NEK8: variants seen among roughly 807,000 people sequenced by gnomAD.
The protein encoded by NEK8 is NIMA related kinase 8, also known as serine/threonine-protein kinase Nek8.
Under a neutral mutation model 77.2 loss-of-function variants are expected in NEK8, and 51 were observed. The observed-to-expected ratio is 0.66, with a 90% CI of 0.53 to 0.83. The LOEUF (loss-of-function observed/expected upper bound fraction) is 0.83. NEK8 is among the 40% of genes least tolerant of loss of function. The pLI, the probability that NEK8 is intolerant of heterozygous loss-of-function variation, is 0.00. For synonymous variants in NEK8, 365 were observed against 363.2 expected, an observed-to-expected ratio of 1.00 and a Z score of -0.06; for missense variants, 787 against 909.2, an observed-to-expected ratio of 0.87 and a Z score of 1.73.
rs1180619050 is a variant in NEK8 at position 28,737,002 on chromosome 17, T to G, written c.619-304T>G. 1.3e-5 allele frequency among the ~76,000 whole-genome samples: 2 copies of G among 152,208 alleles called. No individual in the cohort carries two copies. The highest frequency in any genetic ancestry group is 4.8e-5 in the African/African-American group (2 of 41,456). On this transcript the variant is annotated intron_variant, in intron 4 of 14. Transcript: ENST00000268766. The surrounding 1 kb of genome is among the most constrained non-coding windows in gnomAD (Gnocchi z 4.8). ...CTTTCTACATATGGCTAGCCAGTTT[T>G]CCCAGCACCATTTATTAAATAGGGA... is the stretch of plus-strand genomic sequence containing the variant.
At position 28,734,029 on chromosome 17, in the gene NEK8, A is replaced by T. The variant is rs764658381; in HGVS notation, c.94A>T (p.Ile32Phe). 3 of 1,614,238 alleles carry T rather than the reference A, an allele frequency of 1.9e-6. No homozygotes were observed. The highest frequency in any genetic ancestry group is 2.5e-6 in the Non-Finnish European group (3 of 1,180,038). Residue 32 changes from isoleucine (I) to phenylalanine (F), a missense_variant, in exon 2 of 15, where the codon ATC becomes TTC. Physicochemically the swap from Ile to Phe is conservative, Grantham distance 21. This residue lies in a region of NEK8 where 271 missense variants were observed against 365.1 expected (regional missense o/e 0.74). Coordinates refer to ENST00000268766, the MANE Select transcript of NEK8 (RefSeq NM_178170.3). The stretch of plus-strand genomic sequence containing the variant: ...AAAGGCTGACCAGAAGCTGGTGATC[A>T]TCAAGCAGATTCCAGTGGAACAGAT... ...LRKADQKLVIIKQIPVEQMTK... is the reference protein window; with the variant it reads ...LRKADQKLVIFKQIPVEQMTK...
intron 2 of NEK8, 93 bp downstream of exon 2, chr17:28,734,281 G>A: frequency 1.8e-6 from 2 of 1,142,428 alleles, no homozygotes; most frequent in Non-Finnish European, 2.7e-6. Context: ...CTTGGAATGG[G>A]CATGGCCAAG....
rs375613242 is a variant in NEK8, at chr17:28,738,256, G to C, written c.1222+11G>C. ...CTGCCTGCCTGACTGGTGAGTTGTCGGGCCTACCTTGTGGGACCTGCTCTG... is the reference window on the plus strand; with the variant it reads ...CTGCCTGCCTGACTGGTGAGTTGTCCGGCCTACCTTGTGGGACCTGCTCTG... On this transcript the variant is annotated intron_variant, in intron 8 of 14. Coordinates refer to ENST00000268766, the MANE Select transcript of NEK8 (RefSeq NM_178170.3). 7.4e-6 allele frequency: 12 copies of C among 1,613,942 alleles called. No homozygotes were observed. Among genetic ancestry groups the C allele is most frequent in the East Asian group, 2.2e-5 (1 of 44,892 alleles).
rs1597808790 is a variant in NEK8 at position 28,742,195 on chromosome 17, A to C, written c.*208A>C. 1 of 660,680 alleles carries C rather than the reference A, an allele frequency of 1.5e-6. No homozygotes were observed. Among genetic ancestry groups the C allele is most frequent in the Non-Finnish European group, 2.8e-6 (1 of 362,154 alleles). 40.9% of individuals were successfully genotyped at this position (660,680 alleles called of 1,614,324 possible). ...CTCCTACCACCTCTTTGCCCTTCCT[A>C]CCCCTTCCTCCCTTCAGTCAGTGTC... On this transcript the variant is annotated 3_prime_UTR_variant, in exon 15 of 15. Coordinates refer to ENST00000268766, the MANE Select transcript of NEK8 (RefSeq NM_178170.3).
chr17:28,734,877 A>C lies in NEK8; in HGVS notation c.359A>C (p.His120Pro), dbSNP rs1489672696. 6.2e-7 allele frequency: 1 copy of C among 1,613,712 alleles called. No individual in the cohort carries two copies. The highest frequency in any genetic ancestry group is 8.5e-7 in the Non-Finnish European group (1 of 1,179,936). Reference protein sequence around the residue: ...VQILLALHHVHTHLILHRDLK... With the variant: ...VQILLALHHVPTHLILHRDLK... ...ATCCTGCTTGCACTGCATCATGTGCACACCCACCTCATCCTGCACCGAGAC... is the reference window on the plus strand; with the variant it reads ...ATCCTGCTTGCACTGCATCATGTGCCCACCCACCTCATCCTGCACCGAGAC... The change falls in exon 3 of 15, where the codon CAC (histidine) becomes CCC (proline). Residue 120 changes from histidine to proline, a missense_variant. Transcript: ENST00000268766.
At position 28,741,755 on chromosome 17, in the gene NEK8, G is replaced by A. The variant is rs2034425400; in HGVS notation, c.2050+184G>A. On this transcript the variant is annotated intron_variant, in intron 14 of 14. Coordinates refer to ENST00000268766, the MANE Select transcript of NEK8 (RefSeq NM_178170.3). The surrounding 1 kb of genome is among the most constrained non-coding windows in gnomAD (Gnocchi z 4.5). ...GGGGTGGCCAAGGCTGGTGCTTCTT[G>A]GGCCTCATGGAAGGGCTGCCTCCAC... Among the ~76,000 whole-genome samples the A allele has an allele frequency of 6.6e-6, 1 of 152,254 alleles. No individual in the cohort carries two copies. Among genetic ancestry groups the A allele is most frequent in the South Asian group, 2.1e-4 (1 of 4,822 alleles).
chr17:28,729,847 G>C (rs1012344668), intron 1 of NEK8, among the ~76,000 whole-genome samples: 3 of 152,030 alleles, frequency 2.0e-5, no homozygotes, highest in African/African-American at 7.2e-5. Context: ...CGACAGGCCA[G>C]AAGTGAGATT....
At chr17:28,738,606 C>T (rs1395314741) in intron 8 of NEK8, 65 bp from the exon 9 acceptor site, 2 of 1,451,788 alleles carry the variant, frequency 1.4e-6, no homozygotes, top group Non-Finnish European at 1.9e-6. Flanking sequence ...CACTGGAGGA[C>T]CGGGCTATCT....
chr17:28,729,969 A>G (rs1314513105), intron 1 of NEK8, among the ~76,000 whole-genome samples: 1 of 152,258 alleles, frequency 6.6e-6, no homozygotes, highest in Admixed American at 6.5e-5. Flanking sequence ...CAGAGCATTC[A>G]AGAAACCGAG....
rs1047557678 is a variant in NEK8 at position 28,742,032 on chromosome 17, C to G, written c.*45C>G. 6.3e-7 allele frequency: 1 copy of G among 1,588,586 alleles called. No individual in the cohort carries two copies. Among genetic ancestry groups the G allele is most frequent in the African/African-American group, 1.3e-5 (1 of 74,444 alleles). ...GGACCACCCTGATATTGCTTCTCCT[C>G]TGAATGCTCTGAAAAGTGCAGGTGC... is the stretch of plus-strand genomic sequence containing the variant. On this transcript the variant is annotated 3_prime_UTR_variant, in exon 15 of 15. Coordinates refer to ENST00000268766, the MANE Select transcript of NEK8 (RefSeq NM_178170.3).
Position 28,740,993 on chromosome 17 carries a change from G to C in NEK8, c.1732+8G>C. 6.2e-7 allele frequency: 1 copy of C among 1,613,928 alleles called. No homozygotes were observed. The highest frequency in any genetic ancestry group is 8.5e-7 in the Non-Finnish European group (1 of 1,179,990). ...ACTCAGCTGCTGTGACTGGTGAGGA[G>C]GACTTGGGCTCTGGAGGTCAGAGGG... On this transcript the variant is annotated splice_region_variant and intron_variant, in intron 12 of 14. Transcript: ENST00000268766. The surrounding 1 kb of genome is among the most constrained non-coding windows in gnomAD (Gnocchi z 4.7).
At position 28,741,913 on chromosome 17, in the gene NEK8, G is replaced by A; in HGVS notation, c.2051-46G>A. On this transcript the variant is annotated intron_variant, in intron 14 of 14. Transcript: ENST00000268766. This position sits in a 1 kb window ranked among gnomAD's most constrained non-coding sequence, Gnocchi z 4.5. The stretch of plus-strand genomic sequence containing the variant: ...GGGAGGTGGGTGATGATTTCTGGAG[G>A]CACTGCCCTCAGAAGCTGCAAGGGT... 6.2e-7 allele frequency: 1 copy of A among 1,607,756 alleles called. No homozygotes were observed. Among genetic ancestry groups the A allele is most frequent in the Non-Finnish European group, 8.5e-7 (1 of 1,174,174 alleles).
chr17:28,729,002 A>C (rs2151729920), intron 1 of NEK8, 142 bp downstream of exon 1: 1 of 772,366 alleles, frequency 1.3e-6, no homozygotes, highest in Non-Finnish European at 2.2e-6. Context: ...TTCCGGTCCC[A>C]GTCCCCCGGG....
At position 28,741,294 on chromosome 17, in the gene NEK8, G is replaced by T. The variant is rs115505660; in HGVS notation, c.1891+58G>T. 1 of 1,592,526 alleles carries T rather than the reference G, an allele frequency of 6.3e-7. No homozygotes were observed. ...CCATGAGCAGTGGGGGGTGGGGGTT[G>T]CTATTCAGGGCCACTGGACTCTGGA... On this transcript the variant is annotated intron_variant, in intron 13 of 14. Transcript: ENST00000268766. This position sits in a 1 kb window ranked among gnomAD's most constrained non-coding sequence, Gnocchi z 4.5.
Position 28,741,738 on chromosome 17 carries a change from C to G in NEK8, c.2050+167C>G, listed in dbSNP as rs2034425300. ...CTTCAAGCTTCCTGCCTGGGGTGGC[C>G]AAGGCTGGTGCTTCTTGGGCCTCAT... On this transcript the variant is annotated intron_variant, in intron 14 of 14. Transcript: ENST00000268766. The surrounding 1 kb of genome is among the most constrained non-coding windows in gnomAD (Gnocchi z 4.5). Among the ~76,000 whole-genome samples, 1 of 152,186 alleles carries G rather than the reference C, an allele frequency of 6.6e-6. No homozygotes were observed. The highest frequency in any genetic ancestry group is 6.5e-5 in the Admixed American group (1 of 15,286).
Position 28,741,532 on chromosome 17 carries a change from G to C in NEK8, c.2011G>C (p.Val671Leu), listed in dbSNP as rs202119105. The C allele has an allele frequency of 6.2e-7, 1 of 1,614,120 alleles. No homozygotes were observed. Among genetic ancestry groups the C allele is most frequent in the Non-Finnish European group, 8.5e-7 (1 of 1,180,008 alleles). Residue 671 changes from valine (V) to leucine (L), a missense_variant, in exon 14 of 15, where the codon GTG (valine) becomes CTG (leucine). By Grantham distance (32) the Val-to-Leu change is conservative. Coordinates refer to ENST00000268766, the MANE Select transcript of NEK8 (RefSeq NM_178170.3). This position sits in a 1 kb window ranked among gnomAD's most constrained non-coding sequence, Gnocchi z 4.5. ...DETHPYTVTS[V>L]SCCHGNTLLA... ...GACACACCCTTACACGGTGACTTCC[G>C]TGTCCTGTTGCCATGGAAACACCCT...
chr17:28,734,794 C>T lies in NEK8; in HGVS notation c.276C>T (p.Ile92=), dbSNP rs758918101. Reference sequence around the variant, plus strand: ...CAGGCGGCACTCTGGCTGAGTTCATCCAAAAGCGCTGTAATTCCCTGCTGG... The same window carrying T: ...CAGGCGGCACTCTGGCTGAGTTCATTCAAAAGCGCTGTAATTCCCTGCTGG... ...YAPGGTLAEF[I]QKRCNSLLEE... is the part of the protein sequence containing the mutation. Residue 92 remains isoleucine, a synonymous_variant, in exon 3 of 15, where the codon ATC becomes ATT. Transcript: ENST00000268766. 1.9e-6 allele frequency: 3 copies of T among 1,613,756 alleles called. No individual in the cohort carries two copies. Among genetic ancestry groups the T allele is most frequent in the Non-Finnish European group, 2.5e-6 (3 of 1,179,978 alleles).
Position 28,740,466 on chromosome 17 carries a change from G to T in NEK8, c.1421G>T (p.Arg474Ile), listed in dbSNP as rs1442557424. ...LFAWGRGDSG[R>I]LGLGTRESHS... is the part of the protein sequence containing the mutation. ...CCTTCTGGGTTTCTTCTTGTAGGCAGACTGGGGCTAGGCACCAGGGAGTCC... is the reference window on the plus strand; with the variant it reads ...CCTTCTGGGTTTCTTCTTGTAGGCATACTGGGGCTAGGCACCAGGGAGTCC... The change falls in exon 11 of 15, where the codon AGA becomes ATA. Residue 474 changes from arginine (R) to isoleucine (I), a missense_variant. Physicochemically the swap from Arg to Ile is moderately conservative, Grantham distance 97 (BLOSUM62 -3). Around this residue, in one of 2 missense-constraint regions of NEK8, gnomAD observed 516 missense variants for 544.0 expected, o/e 0.95. Transcript: ENST00000268766. The surrounding 1 kb of genome is among the most constrained non-coding windows in gnomAD (Gnocchi z 4.7). 1.9e-6 allele frequency: 3 copies of T among 1,614,084 alleles called. No individual in the cohort carries two copies. In the South Asian group the frequency reaches 3.3e-5, roughly 18 times the overall value.
At position 28,743,287 on chromosome 17, in the gene NEK8, T is replaced by C; in HGVS notation, c.*1300T>C. The C allele has an allele frequency of 6.6e-6, 1 of 152,260 alleles. No homozygotes were observed. The highest frequency in any genetic ancestry group is 1.5e-5 in the Non-Finnish European group (1 of 68,080). The allele number at this position is 152,260 out of a possible 1,614,324, so 9.4% of individuals were successfully genotyped here. ...GATTTGCTAGACGTCGGCTTGCCTCTCTTCCCCAGCAGGAGGGCAGGAGTC... is the reference window on the plus strand; with the variant it reads ...GATTTGCTAGACGTCGGCTTGCCTCCCTTCCCCAGCAGGAGGGCAGGAGTC... On this transcript the variant is annotated 3_prime_UTR_variant, in exon 15 of 15. Transcript: ENST00000268766.
Sources: allele counts gnomAD v4.1 joint callset (sites outside exome capture counted in the v4.1 genomes callset), GRCh38; gene constraint gnomAD v4.1.1; regional missense constraint gnomAD v4.1.1; non-coding constraint Gnocchi (gnomAD v3.1); transcripts MANE v1.5; gene names NCBI Gene and HGNC (gene_info 2026-07-23, HGNC 2026-07-21).